TCP11: variants seen among roughly 807,000 people sequenced by gnomAD.
TCP11 encodes the protein T-complex protein 11 homolog.
TCP11 carries 34 observed loss-of-function variants against 45.0 expected under a neutral mutation model. The observed-to-expected ratio is 0.76, with a 90% CI of 0.57 to 1.01. The LOEUF (loss-of-function observed/expected upper bound fraction) is 1.01, where lower values mean the gene tolerates loss of function less well. Among genes scored for constraint, TCP11 ranks in the 50% least tolerant of loss-of-function variants. TCP11 has a pLI of 0.00. For synonymous variants in TCP11, 227 were observed against 227.0 expected (o/e 1.00, Z 0.00); for missense variants, 523 against 598.1 (o/e 0.87, Z 1.31).
At chr6:35,118,617 C>A (rs41270050) in intron 9 of TCP11, 116 bp from the exon 10 acceptor site, 126,087 of 859,546 alleles carry the variant, frequency 0.15, 11,031 homozygotes, top group African/African-American at 0.29. Context: ...CAACCTGCCC[C>A]CCTACCTAGA....
At chr6:35,130,897 C>T (rs549316003) in intron 3 of TCP11, among the ~76,000 whole-genome samples, 25 of 152,272 alleles carry the variant, frequency 1.6e-4, no homozygotes, top group South Asian at 2.1e-4. Flanking sequence ...TATGTTCACA[C>T]GAAAACCTGC....
intron 5 of TCP11, 84 bp downstream of exon 5, chr6:35,122,033 C>T (rs899650377): frequency 1.2e-4 from 160 of 1,330,242 alleles, no homozygotes; most frequent in East Asian, 5.3e-4. Context: ...CTGGTCAAGA[C>T]GATGGCTATA....
intron 1 of TCP11, 70 bp from the exon 2 acceptor site, chr6:35,140,954 G>A: frequency 6.9e-7 from 1 of 1,459,444 alleles, no homozygotes; most frequent in Non-Finnish European, 9.1e-7. Flanking sequence ...GGGGGTCCCT[G>A]GGGGCGGCGG....
intron 3 of TCP11, among the ~76,000 whole-genome samples, chr6:35,131,327 G>A (rs1049093066): frequency 2.0e-5 from 3 of 151,532 alleles, no homozygotes; most frequent in Non-Finnish European, 4.4e-5. Context: ...CAGCACTTTG[G>A]GGGGCCGAGG....
At chr6:35,133,720 G>A (rs1780719776) in intron 3 of TCP11, among the ~76,000 whole-genome samples, 1 of 151,952 alleles carries the variant, frequency 6.6e-6, no homozygotes, top group African/African-American at 2.4e-5. Flanking sequence ...AACCCGGGAG[G>A]CTGAGGTTGC....
chr6:35,128,466 C>T (rs1044408648), intron 4 of TCP11: 2 of 152,290 alleles, frequency 1.3e-5, no homozygotes, highest in African/African-American at 4.8e-5. Context: ...GGAGTTATAT[C>T]CCATCACTTT....
At chr6:35,136,334 C>T (rs912153636) in intron 2 of TCP11, 116 bp from the exon 3 acceptor site, 2 of 678,372 alleles carry the variant, frequency 2.9e-6, no homozygotes, top group Admixed American at 2.7e-5. Flanking sequence ...CACAGACTCA[C>T]CCAACTATTC....
Position 35,126,276 on chromosome 6 carries a change from T to C in TCP11, c.357+2786A>G, listed in dbSNP as rs557389276. 1.4e-4 allele frequency among the ~76,000 whole-genome samples: 21 copies of C among 152,358 alleles called. No individual in the cohort carries two copies. The South Asian group carries it at 4.1e-3, about 30-fold the overall frequency. Reference sequence around the variant, plus strand: ...TGATTTCACTGGACCTCTAACAGTTTAGAGAGGGCGAGATTCATCCTTACT... The same window carrying C: ...TGATTTCACTGGACCTCTAACAGTTCAGAGAGGGCGAGATTCATCCTTACT... On this transcript the variant is annotated intron_variant, in intron 4 of 9. Transcript: ENST00000311875.
At chr6:35,140,521 G>T in intron 2 of TCP11, 1 of 650,720 alleles carries the variant, frequency 1.5e-6, no homozygotes, top group East Asian at 3.1e-5. Flanking sequence ...CTCAAATCTT[G>T]TCAGATTCAA....
intron 1 of TCP11, 100 bp downstream of exon 1, chr6:35,141,105 C>A: frequency 7.8e-7 from 1 of 1,285,536 alleles, no homozygotes; most frequent in Non-Finnish European, 9.9e-7. Context: ...AGAAGCCCGG[C>A]GCAGGGCGGG....
At chr6:35,133,982 A>C (rs1358145903) in intron 3 of TCP11, among the ~76,000 whole-genome samples, 2 of 152,114 alleles carry the variant, frequency 1.3e-5, no homozygotes, top group Non-Finnish European at 2.9e-5. Context: ...TTGATAAATA[A>C]GCTGAGTTAT....
At chr6:35,141,124 G>T (rs2127700825) in intron 1 of TCP11, 81 bp downstream of exon 1, 1 of 1,312,196 alleles carries the variant, frequency 7.6e-7, no homozygotes, top group East Asian at 3.1e-5. Context: ...GGAAGCGTGG[G>T]AAGGCCCCTT....
chr6:35,120,028 A>G lies in TCP11; in HGVS notation c.1115+131T>C. ...CATGACCACTTATGGAAAGAAACCA[A>G]CAATCTTTGTAGATGGTTCCACAGG... On this transcript the variant is annotated intron_variant, in intron 8 of 9. Transcript: ENST00000311875. This position sits in a 1 kb window ranked among gnomAD's most constrained non-coding sequence, Gnocchi z 4.9. 2.5e-6 allele frequency: 3 copies of G among 1,220,586 alleles called. No homozygotes were observed. The highest frequency in any genetic ancestry group is 3.3e-6 in the Non-Finnish European group (3 of 897,436). The allele number at this position is 1,220,586 out of a possible 1,614,324, so 75.6% of individuals were successfully genotyped here.
chr6:35,130,750 A>G (rs1780334422), intron 3 of TCP11, among the ~76,000 whole-genome samples: 1 of 152,368 alleles, frequency 6.6e-6, no homozygotes, highest in African/African-American at 2.4e-5. Flanking sequence ...ATAGGAACTC[A>G]CATTCACTGC....
intron 2 of TCP11, among the ~76,000 whole-genome samples, chr6:35,139,385 GT>G (rs1781474619): frequency 1.3e-5 from 2 of 152,078 alleles, no homozygotes; most frequent in South Asian, 4.1e-4. Context: ...AAAATAAAAA[GT>G]TAAGGAGATT....
Position 35,118,491 on chromosome 6 carries a change from G to A in TCP11, c.1290C>T (p.Ile430=), listed in dbSNP as rs1778872873. Residue 430 remains isoleucine (I), a synonymous_variant, in exon 10 of 10, where the codon ATC becomes ATT. Coordinates refer to ENST00000311875, the MANE Select transcript of TCP11 (RefSeq NM_001370687.1). ...CCAAACAGCATTTGAGAAACAAATG[G>A]ATCCGCTGATCTGTGAGCAGGAAAA... The part of the protein sequence containing the change: ...NCVCSVIDQR[I]HLFLKCCLVL... 1 of 1,613,520 alleles carries A rather than the reference G, an allele frequency of 6.2e-7. No individual in the cohort carries two copies. Among genetic ancestry groups the A allele is most frequent in the East Asian group, 2.2e-5 (1 of 44,878 alleles).
chr6:35,127,293 G>A (rs1311705469), intron 4 of TCP11, among the ~76,000 whole-genome samples: 1 of 152,200 alleles, frequency 6.6e-6, no homozygotes, highest in Non-Finnish European at 1.5e-5. Flanking sequence ...GAAAGACCAT[G>A]CCTGAAACTC....
chr6:35,118,530 GA>G, intron 9 of TCP11, 29 bp from the exon 10 acceptor site: 1 of 1,597,080 alleles, frequency 6.3e-7, no homozygotes, highest in Non-Finnish European at 8.6e-7. Flanking sequence ...ACTGATAAGG[GA>G]AAAGGCAAAC....
Position 35,120,242 on chromosome 6 carries a change from G to A in TCP11, c.1032C>T (p.Ser344=), listed in dbSNP as rs773478813. ...ASVLLVASSF[S]GSVLFGSPQF... is the part of the protein sequence containing the mutation. Reference sequence around the variant, plus strand: ...GGGGTGAGCCAAACAAAACACTGCCGGAGAAACTACTGGCCACCAGCAAGA... The same window carrying A: ...GGGGTGAGCCAAACAAAACACTGCCAGAGAAACTACTGGCCACCAGCAAGA... Residue 344 remains serine, a synonymous_variant, in exon 8 of 10, where the codon TCC becomes TCT. Coordinates refer to ENST00000311875, the MANE Select transcript of TCP11 (RefSeq NM_001370687.1). This position sits in a 1 kb window ranked among gnomAD's most constrained non-coding sequence, Gnocchi z 4.9. 32 of 1,614,068 alleles carry A rather than the reference G, an allele frequency of 2.0e-5. No homozygotes were observed. Among genetic ancestry groups the A allele is most frequent in the Middle Eastern group, 3.3e-4 (2 of 6,084 alleles).
Sources: gnomAD v4.1 joint callset for allele counts (sites outside exome capture counted in the v4.1 genomes callset) on GRCh38, gnomAD v4.1.1 for gene constraint, Gnocchi (gnomAD v3.1) non-coding constraint, MANE v1.5 for transcripts, NCBI Gene and HGNC (gene_info 2026-07-23, HGNC 2026-07-21) for gene names.